The following RIMKLB variants were observed in gnomAD, a reference collection of about 807,000 sequenced individuals.
RIMKLB encodes the protein beta-citrylglutamate synthase B.
In RIMKLB, 7 loss-of-function variants were observed where a neutral mutation model predicts 32.0. That is an observed-to-expected ratio of 0.22 (90% CI 0.12 to 0.41). The LOEUF (loss-of-function observed/expected upper bound fraction) is 0.41. Among genes scored for constraint, RIMKLB ranks in the 10% least tolerant of loss-of-function variants. RIMKLB has a pLI of 1.00. For synonymous variants in RIMKLB, 172 were observed against 185.1 expected, an observed-to-expected ratio of 0.93 and a Z score of 0.57; for missense variants, 289 against 498.7, an observed-to-expected ratio of 0.58 and a Z score of 4.00.
rs971870777 is a variant in RIMKLB at position 8,775,744 on chromosome 12, T to G, written c.*1960T>G. 1 of 985,208 alleles carries G rather than the reference T, an allele frequency of 1.0e-6. No homozygotes were observed. Among genetic ancestry groups the G allele is most frequent in the African/African-American group, 1.7e-5 (1 of 57,232 alleles). 61.0% of individuals were successfully genotyped at this position (985,208 alleles called of 1,614,324 possible). On this transcript the variant is annotated 3_prime_UTR_variant, in exon 6 of 6. Coordinates refer to ENST00000535829, the MANE Select transcript of RIMKLB (RefSeq NM_001297776.2). ...AATTGAGTGAAAGGTTGATTGTTGA[T>G]GAATAGAATAGTACCTCTCATCTGT... is the stretch of plus-strand genomic sequence containing the variant.
the RIMKLB span, among the ~76,000 whole-genome samples, chr12:8,675,884 CT>C: frequency 2.0e-5 from 3 of 151,100 alleles, no homozygotes; most frequent in African/African-American, 7.3e-5. Flanking sequence ...AAAAGTTAAT[CT>C]GTAACAAAGG....
intron 5 of RIMKLB, among the ~76,000 whole-genome samples, chr12:8,756,038 C>G (rs761261382): frequency 6.6e-6 from 1 of 151,766 alleles, no homozygotes; most frequent in Non-Finnish European, 1.5e-5. Context: ...CTGTTTAGTC[C>G]CGGCTACTCT....
At chr12:8,685,996 CG>C (rs1942559426) in intron 1 of RIMKLB, among the ~76,000 whole-genome samples, 1 of 152,056 alleles carries the variant, frequency 6.6e-6, no homozygotes. Context: ...TCAGTAGAGA[CG>C]GGGTTTCACC....
At position 8,777,120 on chromosome 12, in the gene RIMKLB, T is replaced by C. The variant is rs11554711; in HGVS notation, c.*3336T>C. ...TGTTTTTATTTGTTTGTTTGTTCAA[T>C]TTTATTTAAGATTTGTTTTTGTTGT... On this transcript the variant is annotated 3_prime_UTR_variant, in exon 6 of 6. Coordinates refer to ENST00000535829, the MANE Select transcript of RIMKLB (RefSeq NM_001297776.2). The C allele has an allele frequency of 1.6e-4, 159 of 985,656 alleles. No individual in the cohort carries two copies. The African/African-American group carries it at 2.6e-3, about 16-fold the overall frequency. The allele number at this position is 985,656 out of a possible 1,614,324, so 61.1% of individuals were successfully genotyped here.
chr12:8,779,288 TTA>T (rs1950904490), downstream of RIMKLB: 1 of 152,222 alleles, frequency 6.6e-6, no homozygotes, highest in Non-Finnish European at 1.5e-5. Context: ...TAGGTGAGCC[TTA>T]TATAGCATAT....
chr12:8,704,971 AACACACACACAC>A (rs3076182), intron 1 of RIMKLB, among the ~76,000 whole-genome samples: 3 of 146,674 alleles, frequency 2.0e-5, no homozygotes, highest in Admixed American at 1.4e-4. Flanking sequence ...TCACCTCTAA[AACACACACACAC>A]ACACACACAC....
upstream of RIMKLB, among the ~76,000 whole-genome samples, chr12:8,681,067 C>A (rs919404026): frequency 1.3e-5 from 2 of 151,222 alleles, no homozygotes; most frequent in African/African-American, 4.9e-5. Context: ...CTCAAATGAT[C>A]CTCCCACCTC....
chr12:8,730,781 C>T (rs1946466522), intron 2 of RIMKLB, among the ~76,000 whole-genome samples: 1 of 152,306 alleles, frequency 6.6e-6, no homozygotes, highest in South Asian at 2.1e-4. Flanking sequence ...GCTCTGTCGT[C>T]CAGGCTGGAG....
intron 2 of RIMKLB, chr12:8,742,779 TC>T: frequency 4.5e-6 from 1 of 223,240 alleles, no homozygotes; most frequent in Non-Finnish European, 9.0e-6. Flanking sequence ...CAGGCAGCTT[TC>T]CAGGAGCTGT....
upstream of RIMKLB, among the ~76,000 whole-genome samples, chr12:8,680,273 A>G (rs1942382257): frequency 6.6e-6 from 1 of 152,038 alleles, no homozygotes; most frequent in African/African-American, 2.4e-5. Context: ...CTCCTGCCTC[A>G]GCCTCCCGAG....
At chr12:8,694,917 CAGTT>C (rs762938716), upstream of RIMKLB, among the ~76,000 whole-genome samples, 25 of 152,322 alleles carry the variant, frequency 1.6e-4, no homozygotes, top group Non-Finnish European at 2.2e-4. Context: ...GTTTTGGTAT[CAGTT>C]AGTCTTGAAT....
At chr12:8,765,401 T>C (rs1323608710) in intron 5 of RIMKLB, among the ~76,000 whole-genome samples, 1 of 152,206 alleles carries the variant, frequency 6.6e-6, no homozygotes, top group African/African-American at 2.4e-5. Context: ...CATCCTATCA[T>C]TGACCTGACT....
chr12:8,720,932 C>T (rs1038064401), intron 2 of RIMKLB, among the ~76,000 whole-genome samples: 4 of 152,164 alleles, frequency 2.6e-5, no homozygotes, highest in African/African-American at 7.2e-5. Flanking sequence ...TATGCTGCCT[C>T]AGAGTCTACT....
intron 2 of RIMKLB, among the ~76,000 whole-genome samples, chr12:8,737,908 T>G (rs911511888): frequency 3.3e-5 from 5 of 152,140 alleles, no homozygotes. Context: ...GAGACGGAGT[T>G]TCTCCATGTT....
chr12:8,672,321 C>T, the RIMKLB span, among the ~76,000 whole-genome samples: 2 of 152,200 alleles, frequency 1.3e-5, no homozygotes, highest in South Asian at 2.1e-4. Flanking sequence ...TCCACATTTT[C>T]GGGCGTCTTT....
chr12:8,677,077 A>T (rs1217335433), upstream of RIMKLB, among the ~76,000 whole-genome samples: 1 of 152,110 alleles, frequency 6.6e-6, no homozygotes, highest in African/African-American at 2.4e-5. Flanking sequence ...TACAGTCTGG[A>T]ATCTAAATCA....
At chr12:8,717,204 G>A (rs752281142) in intron 2 of RIMKLB, among the ~76,000 whole-genome samples, 21 of 151,610 alleles carry the variant, frequency 1.4e-4, no homozygotes, top group Admixed American at 1.1e-3. Flanking sequence ...TTGGGATAAG[G>A]GAAATGTTCT....
intron 1 of RIMKLB, among the ~76,000 whole-genome samples, chr12:8,684,267 G>T (rs762975514): frequency 2.0e-5 from 3 of 150,954 alleles, no homozygotes; most frequent in East Asian, 4.0e-4. Flanking sequence ...TCTGCCTCCC[G>T]GTTCAAGCGA....
Position 8,774,325 on chromosome 12 carries a change from C to A in RIMKLB, c.*541C>A. 1 of 985,482 alleles carries A rather than the reference C, an allele frequency of 1.0e-6. No individual in the cohort carries two copies. The highest frequency in any genetic ancestry group is 4.7e-5 in the South Asian group (1 of 21,284). The allele number at this position is 985,482 out of a possible 1,614,324, so 61.0% of individuals were successfully genotyped here. On this transcript the variant is annotated 3_prime_UTR_variant, in exon 6 of 6. Transcript: ENST00000535829. ...TTGAGGGGCTCTTTTACTGGGATTT[C>A]TTATTTTTTTGTTTTTTCCCGCTTA...
Sources: gnomAD v4.1 joint callset for allele counts (sites outside exome capture counted in the v4.1 genomes callset) on GRCh38, gnomAD v4.1.1 for gene constraint, MANE v1.5 for transcripts, NCBI Gene and HGNC (gene_info 2026-07-23, HGNC 2026-07-21) for gene names.